Variants in ABCA12 observed in about 807,000 individuals in gnomAD.
ABCA12 encodes the protein ATP binding cassette subfamily A member 12, also known as glucosylceramide transporter ABCA12.
ABCA12 carries 156 observed loss-of-function variants against 293.5 expected under a neutral mutation model. That is an observed-to-expected ratio of 0.53 (90% CI 0.47 to 0.61). The LOEUF (loss-of-function observed/expected upper bound fraction) is 0.61, where lower values mean the gene tolerates loss of function less well. Ranked by LOEUF, ABCA12 falls within the 20% of genes least tolerant of loss-of-function variation. ABCA12 has a pLI of 0.00. For synonymous variants in ABCA12, 1,063 were observed against 1,108.0 expected (o/e 0.96, Z 0.81); for missense variants, 2,797 against 3,090.2 (o/e 0.91, Z 2.25).
At chr2:215,109,904 T>A (rs1702536188) in intron 2 of ABCA12, among the ~76,000 whole-genome samples, 2 of 152,192 alleles carry the variant, frequency 1.3e-5, no homozygotes, top group South Asian at 2.1e-4. Flanking sequence ...AATCCTCCCA[T>A]CACTATTGTT....
intron 2 of ABCA12, among the ~76,000 whole-genome samples, chr2:215,067,474 T>C (rs986705450): frequency 2.8e-4 from 42 of 152,104 alleles, no homozygotes; most frequent in African/African-American, 1.0e-3. Context: ...GGTTTTGAGA[T>C]AGAGTGTTTA....
intron 22 of ABCA12, among the ~76,000 whole-genome samples, chr2:214,998,548 A>G (rs182710795): frequency 3.3e-5 from 5 of 152,350 alleles, no homozygotes; most frequent in African/African-American, 2.4e-5. Context: ...AGAAATGTCT[A>G]TTTTGATGAT....
chr2:215,124,469 G>A (rs1319933571), intron 1 of ABCA12, among the ~76,000 whole-genome samples: 1 of 151,548 alleles, frequency 6.6e-6, no homozygotes, highest in Non-Finnish European at 1.5e-5. Context: ...CCATGCCAAT[G>A]TCTACTCTTT....
At chr2:215,045,402 A>G (rs1455091661) in intron 7 of ABCA12, among the ~76,000 whole-genome samples, 2 of 152,224 alleles carry the variant, frequency 1.3e-5, no homozygotes, top group African/African-American at 4.8e-5. Flanking sequence ...GGCTTGGAAC[A>G]AAACTCTTAC....
chr2:214,994,861 G>A (rs1024293356), intron 23 of ABCA12, among the ~76,000 whole-genome samples: 17 of 152,176 alleles, frequency 1.1e-4, no homozygotes, highest in African/African-American at 3.6e-4. Context: ...TGAACTGAGA[G>A]AATGACTCCA....
rs1559168251 is a variant in ABCA12 at position 215,052,529 on chromosome 2, G to GA, written c.464dup (p.Asn156GlnfsTer31). On this transcript the variant is annotated frameshift_variant, in exon 5 of 53. Coordinates refer to ENST00000272895, the MANE Select transcript of ABCA12 (RefSeq NM_173076.3). LOFTEE classifies it high-confidence loss of function. ...TTCGTGCGAGCACTTGACTGCCATT[G>GA]AAAGTATATGTTCCGGGGATTTCCA... 1 of 1,612,764 alleles carries GA rather than the reference G, an allele frequency of 6.2e-7. No homozygotes were observed. Among genetic ancestry groups the GA allele is most frequent in the East Asian group, 2.2e-5 (1 of 44,830 alleles).
At chr2:215,072,915 T>G (rs1029010066) in intron 2 of ABCA12, among the ~76,000 whole-genome samples, 2 of 152,112 alleles carry the variant, frequency 1.3e-5, no homozygotes, top group African/African-American at 4.8e-5. Context: ...GCCAACATGG[T>G]GAAACCCTGT....
At chr2:215,060,222 T>G (rs1400789484) in intron 3 of ABCA12, among the ~76,000 whole-genome samples, 2 of 152,034 alleles carry the variant, frequency 1.3e-5, no homozygotes, top group Non-Finnish European at 2.9e-5. Flanking sequence ...TGTCTCTCCG[T>G]CTCTCTTTCC....
intron 31 of ABCA12, among the ~76,000 whole-genome samples, chr2:214,980,012 T>G (rs1699611883): frequency 6.6e-6 from 1 of 152,214 alleles, no homozygotes; most frequent in African/African-American, 2.4e-5. Context: ...GCACTGCCAC[T>G]TGAGGAGTAC....
rs368505174 is a variant in ABCA12, at chr2:214,934,070, T to C, written c.7680+8A>G. 3.7e-6 allele frequency: 6 copies of C among 1,612,932 alleles called. No homozygotes were observed. The highest frequency in any genetic ancestry group is 4.5e-5 in the East Asian group (2 of 44,860). On this transcript the variant is annotated splice_region_variant and intron_variant, in intron 52 of 52. Coordinates refer to ENST00000272895, the MANE Select transcript of ABCA12 (RefSeq NM_173076.3). ...CGTTGTGCACATGGATCGTGGTATA[T>C]ATCTTACCTCTTCCAGAGTGGTCTG... is the stretch of plus-strand genomic sequence containing the variant.
chr2:215,014,271 G>A (rs1432157474), intron 15 of ABCA12, among the ~76,000 whole-genome samples: 2 of 152,126 alleles, frequency 1.3e-5, no homozygotes, highest in African/African-American at 4.8e-5. Flanking sequence ...AAGGGGATTT[G>A]AGAGTGCTGT....
At chr2:215,064,013 A>G (rs1380910939) in intron 3 of ABCA12, 53 bp downstream of exon 3, 6 of 1,610,986 alleles carry the variant, frequency 3.7e-6, no homozygotes, top group Non-Finnish European at 5.1e-6. Flanking sequence ...TCTCAGAAGG[A>G]AACAAGATTT....
At chr2:215,074,210 T>A (rs551467084) in intron 2 of ABCA12, among the ~76,000 whole-genome samples, 198 of 152,300 alleles carry the variant, frequency 1.3e-3, no homozygotes, top group Non-Finnish European at 2.3e-3. Context: ...TGAAAAGTTG[T>A]TTTTCCCCCT....
chr2:215,070,185 A>G (rs1701709515), intron 2 of ABCA12, among the ~76,000 whole-genome samples: 1 of 152,130 alleles, frequency 6.6e-6, no homozygotes, highest in African/African-American at 2.4e-5. Flanking sequence ...AGAGCCTTTC[A>G]GTATTGATTT....
chr2:215,093,982 A>G (rs1287192108), intron 2 of ABCA12, among the ~76,000 whole-genome samples: 2 of 152,196 alleles, frequency 1.3e-5, no homozygotes, highest in African/African-American at 4.8e-5. Flanking sequence ...GCTACTCACC[A>G]GCAAAGGCAG....
chr2:215,050,920 G>T, intron 5 of ABCA12: 3 of 555,280 alleles, frequency 5.4e-6, no homozygotes, highest in Non-Finnish European at 6.9e-6. Context: ...TCCCTTCCCT[G>T]CTCCAACTAC....
intron 2 of ABCA12, among the ~76,000 whole-genome samples, chr2:215,066,339 T>G (rs889555941): frequency 5.3e-5 from 8 of 152,010 alleles, no homozygotes; most frequent in Non-Finnish European, 1.2e-4. Context: ...GATGACCAGA[T>G]GACCCCTCTG....
In ABCA12 at chr2:215,031,825, C is replaced by T. The variant is rs775390147; in HGVS notation, c.1057G>A (p.Ala353Thr). The T allele has an allele frequency of 6.2e-7, 1 of 1,613,924 alleles. No individual in the cohort carries two copies. The highest frequency in any genetic ancestry group is 1.1e-5 in the South Asian group (1 of 91,064). Residue 353 changes from alanine to threonine, a missense_variant, in exon 9 of 53, where the codon GCA (alanine) becomes ACA (threonine). By Grantham distance (58) the Ala-to-Thr change is moderately conservative. Coordinates refer to ENST00000272895, the MANE Select transcript of ABCA12 (RefSeq NM_173076.3). ...TAGAAATAAACAAAGACTTACTGTG[C>T]AGCCAGACTGCTTGGAGATAAGGTC... ...GQTLSPSSLA[A>T]QLLILENFED...
intron 15 of ABCA12, among the ~76,000 whole-genome samples, chr2:215,012,881 C>T (rs971794942): frequency 6.6e-6 from 1 of 152,050 alleles, no homozygotes; most frequent in African/African-American, 2.4e-5. Context: ...TATACTATTG[C>T]TCAAAAATGA....
Sources: allele counts gnomAD v4.1 joint callset (sites outside exome capture counted in the v4.1 genomes callset), GRCh38; gene constraint gnomAD v4.1.1; transcripts MANE v1.5; gene names NCBI Gene and HGNC (gene_info 2026-07-23, HGNC 2026-07-21).